LPA: variants seen among roughly 807,000 people sequenced by gnomAD.
LPA encodes the protein apolipoprotein(a).
LPA carries 199 observed loss-of-function variants against 197.9 expected under a neutral mutation model. The ratio of observed to expected loss-of-function variants is 1.01; its 90% CI spans 0.90 to 1.13. LPA has a LOEUF of 1.13. Ranked by LOEUF, LPA falls within the 50% of genes most tolerant of loss-of-function variation. The pLI is 0.00. For synonymous variants in LPA, 715 were observed against 639.5 expected (o/e 1.12, Z -1.78); for missense variants, 1,853 against 1,785.8 (o/e 1.04, Z -0.68).
intron 18 of LPA, among the ~76,000 whole-genome samples, chr6:160,602,082 T>C (rs1165018816): frequency 6.6e-6 from 1 of 152,124 alleles, no homozygotes; most frequent in Non-Finnish European, 1.5e-5. Context: ...GGAAATGTAT[T>C]ATGGGCCATG....
rs777119063 is a variant in LPA, at chr6:160,605,075, A to C, written c.2916T>G (p.His972Gln). The C allele has an allele frequency of 1.2e-5, 19 of 1,613,764 alleles. No homozygotes were observed. The highest frequency in any genetic ancestry group is 1.4e-5 in the Non-Finnish European group (17 of 1,179,806). The part of the protein sequence containing the change: ...QAWSSMTPHS[H>Q]SRTPAYYPNA... Reference sequence around the variant, plus strand: ...TTGGGTAGTATGCTGGGGTCCGACTATGCGAGTGTGGTGTCATAGATGACC... The same window carrying C: ...TTGGGTAGTATGCTGGGGTCCGACTCTGCGAGTGTGGTGTCATAGATGACC... The change falls in exon 18 of 39, where the codon CAT (histidine) becomes CAG (glutamine). Residue 972 changes from histidine to glutamine, a missense_variant. His to Gln is a conservative substitution (Grantham distance 24). This residue lies in a region of LPA where 1,737 missense variants were observed against 1,504.4 expected (regional missense o/e 1.15). Transcript: ENST00000316300.
At chr6:160,551,286 A>G (rs887482936) in intron 30 of LPA, among the ~76,000 whole-genome samples, 4 of 152,138 alleles carry the variant, frequency 2.6e-5, no homozygotes, top group African/African-American at 9.7e-5. Flanking sequence ...TTTATTTTTC[A>G]TGGCTGAGAT....
At chr6:160,609,510 G>C (rs574857179) in intron 16 of LPA, among the ~76,000 whole-genome samples, 5 of 152,098 alleles carry the variant, frequency 3.3e-5, no homozygotes, top group African/African-American at 1.2e-4. Context: ...ATGTAGAGAA[G>C]TGCATCATGT....
intron 22 of LPA, among the ~76,000 whole-genome samples, chr6:160,591,551 T>C (rs906240135): frequency 6.6e-6 from 1 of 152,258 alleles, no homozygotes; most frequent in Non-Finnish European, 1.5e-5. Context: ...GTTGTTTACC[T>C]AAGGAATTGA....
chr6:160,570,330 T>C (rs1351785435), intron 28 of LPA, among the ~76,000 whole-genome samples: 2 of 152,144 alleles, frequency 1.3e-5, no homozygotes, highest in African/African-American at 4.8e-5. Context: ...TTCATGTCCT[T>C]TGTAGGGATG....
At chr6:160,555,449 ATATATATG>A (rs1778244847) in intron 30 of LPA, among the ~76,000 whole-genome samples, 1 of 142,744 alleles carries the variant, frequency 7.0e-6, no homozygotes, top group Non-Finnish European at 1.5e-5. Context: ...ATATATATAT[ATATATATG>A]TGTGTGTATA....
At chr6:160,543,668 A>G (rs1277709737) in intron 33 of LPA, among the ~76,000 whole-genome samples, 3 of 152,358 alleles carry the variant, frequency 2.0e-5, no homozygotes, top group Middle Eastern at 3.4e-3. Flanking sequence ...TATGCCTTAC[A>G]TACAGTAAAC....
At position 160,611,448 on chromosome 6, in the gene LPA, C is replaced by G. The variant is rs192679543; in HGVS notation, c.2603+114G>C. 2.0e-6 allele frequency: 3 copies of G among 1,528,120 alleles called. No homozygotes were observed. The African/African-American group carries it at 4.1e-5, about 21-fold the overall frequency. 94.7% of individuals were successfully genotyped at this position (1,528,120 alleles called of 1,614,324 possible). ...GAAATCATCCTGAGACATTTTGCTA[C>G]ACCATCTGAATCTGACACAAGTTGA... On this transcript the variant is annotated intron_variant, in intron 16 of 38. Coordinates refer to ENST00000316300, the MANE Select transcript of LPA (RefSeq NM_005577.4).
intron 26 of LPA, among the ~76,000 whole-genome samples, chr6:160,583,593 C>T (rs1449552877): frequency 6.6e-6 from 1 of 152,104 alleles, no homozygotes; most frequent in Admixed American, 6.6e-5. Context: ...TTGTTCTTTC[C>T]CCAGTAGCTG....
intron 33 of LPA, among the ~76,000 whole-genome samples, chr6:160,544,699 G>T (rs757083829): frequency 6.6e-6 from 1 of 152,156 alleles, no homozygotes; most frequent in Non-Finnish European, 1.5e-5. Flanking sequence ...GTCCAGGGTG[G>T]TGTTCTGTAA....
At chr6:160,567,548 A>T (rs533238992) in intron 28 of LPA, among the ~76,000 whole-genome samples, 60 of 152,244 alleles carry the variant, frequency 3.9e-4, no homozygotes, top group Non-Finnish European at 5.6e-4. Context: ...AGCAGGAAAG[A>T]TCTAAAATTG....
chr6:160,567,837 C>G (rs1335395551), intron 28 of LPA, among the ~76,000 whole-genome samples: 3 of 152,156 alleles, frequency 2.0e-5, no homozygotes, highest in Non-Finnish European at 4.4e-5. Context: ...CACAGAAATA[C>G]AAACTACCAT....
In LPA at chr6:160,606,590, G is replaced by C. The variant is rs529980467; in HGVS notation, c.2672C>G (p.Pro891Arg). The change falls in exon 17 of 39, where the codon CCC (proline) becomes CGC (arginine). Residue 891 changes from proline to arginine, a missense_variant. Around this residue, in one of 3 missense-constraint regions of LPA, gnomAD observed 1,737 missense variants for 1,504.4 expected, o/e 1.15. Transcript: ENST00000316300. ...GTTGCAGTACTCCCACCTGACACTG[G>C]GATCCCTCGTATAACAATAAGGGGC... Reference protein sequence around the residue: ...VAAPYCYTRDPSVRWEYCNLT... With the variant: ...VAAPYCYTRDRSVRWEYCNLT... 3 of 1,613,780 alleles carry C rather than the reference G, an allele frequency of 1.9e-6. No homozygotes were observed. Among genetic ancestry groups the C allele is most frequent in the Middle Eastern group, 1.7e-4 (1 of 6,008 alleles).
chr6:160,605,427 A>G (rs893095552), intron 17 of LPA, among the ~76,000 whole-genome samples: 1 of 152,240 alleles, frequency 6.6e-6, no homozygotes, highest in Non-Finnish European at 1.5e-5. Context: ...CTAACACTTT[A>G]GAACTGTAGT....
chr6:160,574,021 G>T (rs1356319397), intron 28 of LPA, among the ~76,000 whole-genome samples: 1 of 152,142 alleles, frequency 6.6e-6, no homozygotes, highest in East Asian at 1.9e-4. Context: ...ATCAGTTGGG[G>T]GTGGGACTAG....
chr6:160,542,260 T>C (rs1329110940), intron 34 of LPA, among the ~76,000 whole-genome samples: 1 of 152,192 alleles, frequency 6.6e-6, no homozygotes, highest in Non-Finnish European at 1.5e-5. Context: ...TTCACAAAAG[T>C]GTAAAAAAAA....
chr6:160,658,486 C>G (rs1299466343), intron 1 of LPA, among the ~76,000 whole-genome samples: 1 of 152,158 alleles, frequency 6.6e-6, no homozygotes, highest in Non-Finnish European at 1.5e-5. Context: ...CCCCTGAGAT[C>G]ATCATTTTCT....
At chr6:160,603,083 T>A (rs985233488) in intron 18 of LPA, among the ~76,000 whole-genome samples, 2 of 151,622 alleles carry the variant, frequency 1.3e-5, no homozygotes, top group African/African-American at 2.4e-5. Flanking sequence ...ATTTGAAAAG[T>A]TTTTAGCTAT....
In LPA at chr6:160,548,566, G is replaced by A; in HGVS notation, c.5067C>T (p.Asn1689=). ...CTTCTGTGTCTGAGCATCGCGTCAGGTTGCAGTACTCCCACCTGATGCTGG... is the reference window on the plus strand; with the variant it reads ...CTTCTGTGTCTGAGCATCGCGTCAGATTGCAGTACTCCCACCTGATGCTGG... ...MDPSIRWEYC[N]LTRCSDTEGT... Residue 1689 remains asparagine, a synonymous_variant, in exon 31 of 39, where the codon AAC becomes AAT. Transcript: ENST00000316300. 1 of 1,614,140 alleles carries A rather than the reference G, an allele frequency of 6.2e-7. No individual in the cohort carries two copies. The highest frequency in any genetic ancestry group is 8.5e-7 in the Non-Finnish European group (1 of 1,180,016).
Sources: allele counts gnomAD v4.1 joint callset (sites outside exome capture counted in the v4.1 genomes callset), GRCh38; gene constraint gnomAD v4.1.1; regional missense constraint gnomAD v4.1.1; transcripts MANE v1.5; gene names NCBI Gene and HGNC (gene_info 2026-07-23, HGNC 2026-07-21).